Variants in TOGARAM1 observed in about 807,000 individuals in gnomAD.
The protein encoded by TOGARAM1 is TOG array regulator of axonemal microtubules protein 1.
In TOGARAM1, 100 loss-of-function variants were observed where a neutral mutation model predicts 166.6. The observed-to-expected ratio is 0.60, with a 90% CI of 0.51 to 0.71. TOGARAM1 has a LOEUF of 0.71. Ranked by LOEUF, TOGARAM1 falls within the 30% of genes least tolerant of loss-of-function variation. TOGARAM1 has a pLI of 0.00. For synonymous variants in TOGARAM1, 758 were observed against 763.8 expected (o/e 0.99, Z 0.13); for missense variants, 2,029 against 2,102.7 (o/e 0.96, Z 0.69).
At position 44,982,903 on chromosome 14, in the gene TOGARAM1, A is replaced by G. The variant is rs560609982; in HGVS notation, c.2047-12843A>G. On this transcript the variant is annotated intron_variant, in intron 1 of 19. Coordinates refer to ENST00000361462, the MANE Select transcript of TOGARAM1 (RefSeq NM_001308120.2). ...AATTAGTTTTTGTTTTTGTAACAGCACTAACTACAGTGCTCTTCCCACAAA... is the reference window on the plus strand; with the variant it reads ...AATTAGTTTTTGTTTTTGTAACAGCGCTAACTACAGTGCTCTTCCCACAAA... Among the ~76,000 whole-genome samples the G allele has an allele frequency of 1.2e-4, 18 of 152,316 alleles. 3 individuals carry two copies. The highest frequency in any genetic ancestry group is 3.4e-4 in the African/African-American group (14 of 41,572).
At chr14:45,044,304 C>T (rs1594685571) in intron 12 of TOGARAM1, among the ~76,000 whole-genome samples, 1 of 152,084 alleles carries the variant, frequency 6.6e-6, no homozygotes, top group East Asian at 1.9e-4. Flanking sequence ...GCCACCACGC[C>T]CGGTTTAAGA....
intron 5 of TOGARAM1, chr14:45,006,829 T>G (rs899751653): frequency 2.6e-5 from 4 of 152,210 alleles, no homozygotes; most frequent in African/African-American, 4.8e-5. Context: ...GCAATGAACA[T>G]ATTTGAACCT....
In TOGARAM1 at chr14:44,971,691, A is replaced by G. The variant is rs527534982; in HGVS notation, c.2046+7224A>G. ...TCTAATATATGCCTTCAGTGCCATA[A>G]ATTTCCTCTAGGCACCGCTTTCACT... On this transcript the variant is annotated intron_variant, in intron 1 of 19. Coordinates refer to ENST00000361462, the MANE Select transcript of TOGARAM1 (RefSeq NM_001308120.2). Among the ~76,000 whole-genome samples, 5 of 152,312 alleles carry G rather than the reference A, an allele frequency of 3.3e-5. No individual in the cohort carries two copies. The South Asian group carries it at 1.0e-3, about 32-fold the overall frequency.
intron 10 of TOGARAM1, among the ~76,000 whole-genome samples, chr14:45,030,137 A>T (rs1008755396): frequency 2.0e-5 from 3 of 151,482 alleles, no homozygotes; most frequent in African/African-American, 7.3e-5. Context: ...GAAGTTTTTA[A>T]AAAAAAAAAT....
At chr14:45,056,770 T>G (rs73353653) in intron 16 of TOGARAM1, among the ~76,000 whole-genome samples, 1,819 of 152,258 alleles carry the variant, frequency 0.012, 31 homozygotes, top group African/African-American at 0.04. Context: ...AGTATTTTGT[T>G]GAGGATTTTT....
rs763710895 is a variant in TOGARAM1, at chr14:44,999,420, C to G, written c.2261C>G (p.Ser754Ter). ...LSGKCAQLGF[S>*]QICGKTGSVG... ...GGGAAATGTGCACAACTTGGATTTT[C>G]ACAAATATGTGGTAAAACTGGCAGT... Residue 754 changes from serine (S) to a stop codon, truncating the protein, a stop_gained, in exon 3 of 20, where the codon TCA becomes TGA. Coordinates refer to ENST00000361462, the MANE Select transcript of TOGARAM1 (RefSeq NM_001308120.2). LOFTEE classifies it high-confidence loss of function. 6.2e-7 allele frequency: 1 copy of G among 1,611,084 alleles called. No homozygotes were observed. The highest frequency in any genetic ancestry group is 1.3e-5 in the African/African-American group (1 of 74,982).
chr14:44,995,563 C>T (rs1393471657), intron 1 of TOGARAM1, 183 bp from the exon 2 acceptor site: 6 of 620,008 alleles, frequency 9.7e-6, no homozygotes, highest in Non-Finnish European at 1.8e-5. Context: ...CATTTCTCTT[C>T]TGGAATGAAA....
rs573838816 is a variant in TOGARAM1 at position 44,969,097 on chromosome 14, A to C, written c.2046+4630A>C. Among the ~76,000 whole-genome samples, 3 of 140,588 alleles carry C rather than the reference A, an allele frequency of 2.1e-5. No homozygotes were observed. The South Asian group carries it at 6.7e-4, about 31-fold the overall frequency. The allele number at this position is 140,588 out of a possible 152,430, so 92.2% of individuals were successfully genotyped here. A position where few individuals can be genotyped will look rare whatever the true frequency, so the allele number is the denominator to read the frequency against. On this transcript the variant is annotated intron_variant, in intron 1 of 19. Coordinates refer to ENST00000361462, the MANE Select transcript of TOGARAM1 (RefSeq NM_001308120.2). ...ATGTCTTTTCATGGTTTGATACCTC[A>C]TTTCTTTCTTTCTTTCCTTCCTTCC...
chr14:45,007,078 G>A (rs1444916984), intron 5 of TOGARAM1: 1 of 151,728 alleles, frequency 6.6e-6, no homozygotes, highest in Non-Finnish European at 1.5e-5. Flanking sequence ...TAAAAAAAAA[G>A]TTTTATATTA....
In TOGARAM1 at chr14:44,999,420, C is replaced by T. The variant is rs763710895; in HGVS notation, c.2261C>T (p.Ser754Leu). Residue 754 changes from serine (S) to leucine (L), a missense_variant, in exon 3 of 20, where the codon TCA (serine) becomes TTA (leucine). Physicochemically the swap from Ser to Leu is moderately radical, Grantham distance 145. This residue lies in a region of TOGARAM1 where 1,453 missense variants were observed against 1,432.2 expected (regional missense o/e 1.01). Transcript: ENST00000361462. ...GGGAAATGTGCACAACTTGGATTTTCACAAATATGTGGTAAAACTGGCAGT... is the reference window on the plus strand; with the variant it reads ...GGGAAATGTGCACAACTTGGATTTTTACAAATATGTGGTAAAACTGGCAGT... ...LSGKCAQLGF[S>L]QICGKTGSVG... is the part of the protein sequence containing the mutation. 6.2e-7 allele frequency: 1 copy of T among 1,611,084 alleles called. No homozygotes were observed. Among genetic ancestry groups the T allele is most frequent in the Non-Finnish European group, 8.5e-7 (1 of 1,178,218 alleles).
At chr14:44,983,263 T>C (rs1313140822) in intron 1 of TOGARAM1, among the ~76,000 whole-genome samples, 1 of 152,046 alleles carries the variant, frequency 6.6e-6, no homozygotes, top group African/African-American at 2.4e-5. Flanking sequence ...AGCTTTGGGA[T>C]AGAGGAGGAA....
At position 45,009,070 on chromosome 14, in the gene TOGARAM1, A is replaced by G. The variant is rs933483968; in HGVS notation, c.3062A>G (p.Tyr1021Cys). Residue 1021 changes from tyrosine to cysteine, a missense_variant, in exon 6 of 20, where the codon TAC (tyrosine) becomes TGC (cysteine). Physicochemically the swap from Tyr to Cys is radical, Grantham distance 194 (BLOSUM62 -2). Coordinates refer to ENST00000361462, the MANE Select transcript of TOGARAM1 (RefSeq NM_001308120.2). ...TCTTCCTCACCAAACATCAATTCTT[A>G]CAGTGAAAGTGGAGTTTACAGCCAA... The part of the protein sequence containing the change: ...SLSSSPNINS[Y>C]SESGVYSQES... The G allele has an allele frequency of 3.1e-6, 5 of 1,614,066 alleles. No individual in the cohort carries two copies. The East Asian group carries it at 6.7e-5, about 22-fold the overall frequency.
At chr14:45,011,069 T>G (rs1238382542) in intron 6 of TOGARAM1, among the ~76,000 whole-genome samples, 1 of 152,218 alleles carries the variant, frequency 6.6e-6, no homozygotes, top group African/African-American at 2.4e-5. Flanking sequence ...CACTTACTGA[T>G]TTAAAACAGT....
At chr14:45,047,523 GT>G (rs1483281391) in intron 14 of TOGARAM1, among the ~76,000 whole-genome samples, 1 of 152,066 alleles carries the variant, frequency 6.6e-6, no homozygotes, top group African/African-American at 2.4e-5. Context: ...ATTTTATGAA[GT>G]TTAAGAACAG....
At position 45,044,667 on chromosome 14, in the gene TOGARAM1, T is replaced by A; in HGVS notation, c.3951T>A (p.Ala1317=). 1 of 1,610,176 alleles carries A rather than the reference T, an allele frequency of 6.2e-7. No individual in the cohort carries two copies. Among genetic ancestry groups the A allele is most frequent in the Non-Finnish European group, 8.5e-7 (1 of 1,178,520 alleles). The change falls in exon 13 of 20, where the codon GCT becomes GCA. Residue 1317 remains alanine, a synonymous_variant. Coordinates refer to ENST00000361462, the MANE Select transcript of TOGARAM1 (RefSeq NM_001308120.2). ...ATTTACGTTCTGGAGTTTCTCGTGC[T>A]GCTGTGGTCTGTTTAAGTGATCTTT... ...VKNLRSGVSR[A]AVVCLSDLFT...
intron 7 of TOGARAM1, among the ~76,000 whole-genome samples, chr14:45,017,251 A>G (rs1400814605): frequency 1.3e-5 from 2 of 152,170 alleles, no homozygotes; most frequent in East Asian, 3.8e-4. Context: ...TGTTGCTCAA[A>G]TAATTTTGCC....
intron 7 of TOGARAM1, among the ~76,000 whole-genome samples, chr14:45,016,059 A>T (rs928821017): frequency 6.6e-5 from 10 of 151,848 alleles, no homozygotes; most frequent in African/African-American, 1.9e-4. Flanking sequence ...GATTAAAAAA[A>T]ATTTTTTTTT....
At chr14:45,063,096 G>A (rs889658490) in intron 16 of TOGARAM1, among the ~76,000 whole-genome samples, 3 of 151,946 alleles carry the variant, frequency 2.0e-5, no homozygotes, top group East Asian at 1.9e-4. Context: ...TTATACTTAC[G>A]TTTATATTAA....
chr14:44,972,158 A>G (rs1003184510), intron 1 of TOGARAM1, among the ~76,000 whole-genome samples: 1 of 152,168 alleles, frequency 6.6e-6, no homozygotes, highest in Non-Finnish European at 1.5e-5. Flanking sequence ...GAGGATTACA[A>G]TTTGAAATGA....
Sources: allele counts gnomAD v4.1 joint callset (sites outside exome capture counted in the v4.1 genomes callset), GRCh38; gene constraint gnomAD v4.1.1; regional missense constraint gnomAD v4.1.1; transcripts MANE v1.5; gene names NCBI Gene and HGNC (gene_info 2026-07-23, HGNC 2026-07-21).